Variants in C3orf33 observed in about 807,000 individuals in gnomAD.
C3orf33 encodes the protein mitochondrial inner membrane subdomain organizer 1, also known as AP-1 activity suppressor.
C3orf33 carries 23 observed loss-of-function variants against 28.7 expected under a neutral mutation model. The observed-to-expected ratio is 0.80, with a 90% CI of 0.58 to 1.13. C3orf33 has a LOEUF of 1.13. Ranked by LOEUF, C3orf33 falls within the 50% of genes most tolerant of loss-of-function variation. C3orf33 has a pLI of 0.00. For missense variants in C3orf33, 327 were observed against 353.4 expected (o/e 0.93, Z 0.60); for synonymous variants, 119 against 120.5 (o/e 0.99, Z 0.08).
At chr3:155,775,344 C>T (rs961535102) in intron 3 of C3orf33, among the ~76,000 whole-genome samples, 4 of 152,058 alleles carry the variant, frequency 2.6e-5, no homozygotes, top group Non-Finnish European at 5.9e-5. Flanking sequence ...ACAAAATTAG[C>T]TGGGCGTGGT....
At chr3:155,792,867 A>G (rs1751356736) in intron 2 of C3orf33, among the ~76,000 whole-genome samples, 1 of 152,302 alleles carries the variant, frequency 6.6e-6, no homozygotes. Context: ...TCTAAGAGTT[A>G]TTGGCCTTGA....
At chr3:155,767,397 A>G in intron 4 of C3orf33, 112 bp downstream of exon 4, 1 of 739,038 alleles carries the variant, frequency 1.4e-6, no homozygotes, top group Non-Finnish European at 1.9e-6. Flanking sequence ...GCAGTTTAAA[A>G]GGCAAAAAAA....
chr3:155,789,214 A>G (rs933260251), intron 2 of C3orf33, among the ~76,000 whole-genome samples: 1 of 151,938 alleles, frequency 6.6e-6, no homozygotes, highest in Non-Finnish European at 1.5e-5. Flanking sequence ...GCGTGGTGGC[A>G]GGCGCTTGTA....
intron 3 of C3orf33, among the ~76,000 whole-genome samples, chr3:155,768,722 A>G (rs1750487690): frequency 1.3e-5 from 2 of 152,214 alleles, no homozygotes; most frequent in African/African-American, 4.8e-5. Context: ...GTTCAAGAAG[A>G]TATCCTAGAA....
Position 155,773,983 on chromosome 3 carries a change from GA to G in C3orf33, c.322+1717del, listed in dbSNP as rs773430067. ...AATGGTATCAAGTATGTTTGGGGGGGAAAATCAATCTTGTTCCTTTACAGTT... is the reference window on the plus strand; with the variant it reads ...AATGGTATCAAGTATGTTTGGGGGGGAAATCAATCTTGTTCCTTTACAGTT... On this transcript the variant is annotated intron_variant, in intron 3 of 4. Coordinates refer to ENST00000340171, the MANE Select transcript of C3orf33 (RefSeq NM_001308229.2). Among the ~76,000 whole-genome samples the G allele has an allele frequency of 4.6e-5, 7 of 152,144 alleles. No homozygotes were observed. In the East Asian group the frequency reaches 1.2e-3, roughly 25 times the overall value.
chr3:155,800,610 CAAAAAAAAAAAAAAAAAA>C (rs58092818), intron 2 of C3orf33, among the ~76,000 whole-genome samples: 5 of 15,634 alleles, frequency 3.2e-4, no homozygotes, highest in African/African-American at 3.8e-4. Flanking sequence ...ACCTTATCTC[CAAAAAAAAAAAAAAAAAA>C]AAAAAAAAAA....
At chr3:155,789,983 T>C (rs1751259662) in intron 2 of C3orf33, among the ~76,000 whole-genome samples, 2 of 151,662 alleles carry the variant, frequency 1.3e-5, no homozygotes, top group South Asian at 2.1e-4. Context: ...GCCAACACAG[T>C]GAAACCCCAT....
At chr3:155,782,849 C>T (rs1750970944) in intron 2 of C3orf33, among the ~76,000 whole-genome samples, 1 of 152,156 alleles carries the variant, frequency 6.6e-6, no homozygotes, top group Non-Finnish European at 1.5e-5. Context: ...ATTATAAACA[C>T]TAATATTATT....
At chr3:155,798,259 A>G (rs1372106224) in intron 2 of C3orf33, among the ~76,000 whole-genome samples, 1 of 152,194 alleles carries the variant, frequency 6.6e-6, no homozygotes, top group Non-Finnish European at 1.5e-5. Context: ...TCTTCACAGA[A>G]ACAGAAAAAA....
At chr3:155,782,767 G>T (rs1298305796) in intron 2 of C3orf33, among the ~76,000 whole-genome samples, 2 of 152,174 alleles carry the variant, frequency 1.3e-5, no homozygotes, top group Non-Finnish European at 1.5e-5. Flanking sequence ...AGGTTGCAAT[G>T]AAAGGACACT....
At chr3:155,775,880 C>T (rs1750732550) in intron 2 of C3orf33, 32 bp from the exon 3 acceptor site, 5 of 1,465,540 alleles carry the variant, frequency 3.4e-6, no homozygotes, top group Non-Finnish European at 3.8e-6. Flanking sequence ...AATATAACCA[C>T]TTATTATTAT....
chr3:155,774,487 CTG>C (rs1750679856), intron 3 of C3orf33, among the ~76,000 whole-genome samples: 1 of 152,010 alleles, frequency 6.6e-6, no homozygotes, highest in Non-Finnish European at 1.5e-5. Flanking sequence ...GCAGGAAGGT[CTG>C]TGTGTCTGGG....
chr3:155,766,928 C>A (rs979464931), intron 4 of C3orf33, among the ~76,000 whole-genome samples: 1 of 149,822 alleles, frequency 6.7e-6, no homozygotes, highest in Admixed American at 6.7e-5. Flanking sequence ...CCAGCCTGGG[C>A]AACAGAGTGA....
chr3:155,797,205 A>G (rs955793700), intron 2 of C3orf33, among the ~76,000 whole-genome samples: 4 of 152,166 alleles, frequency 2.6e-5, no homozygotes, highest in South Asian at 2.1e-4. Context: ...CAAAAGCCAT[A>G]CAAACATGAA....
intron 2 of C3orf33, among the ~76,000 whole-genome samples, chr3:155,798,604 T>C (rs964366269): frequency 6.6e-6 from 1 of 152,160 alleles, no homozygotes; most frequent in Non-Finnish European, 1.5e-5. Flanking sequence ...TCTCTCATCA[T>C]ATACAAAAAT....
chr3:155,802,940 G>A (rs1751694307), intron 1 of C3orf33, among the ~76,000 whole-genome samples: 1 of 151,946 alleles, frequency 6.6e-6, no homozygotes, highest in Non-Finnish European at 1.5e-5. Flanking sequence ...GTATTGGATT[G>A]TTCTCTACTG....
At chr3:155,768,036 T>C (rs900361717) in intron 3 of C3orf33, among the ~76,000 whole-genome samples, 3 of 152,074 alleles carry the variant, frequency 2.0e-5, no homozygotes, top group African/African-American at 7.2e-5. Context: ...TGCACCACCA[T>C]GCCCAGCTGA....
At chr3:155,771,148 C>T (rs888423921) in intron 3 of C3orf33, among the ~76,000 whole-genome samples, 33 of 151,724 alleles carry the variant, frequency 2.2e-4, no homozygotes, top group Non-Finnish European at 1.5e-5. Context: ...CTCTGCCACC[C>T]AGGCTGGAGT....
At chr3:155,794,012 C>T (rs1385587262) in intron 2 of C3orf33, among the ~76,000 whole-genome samples, 1 of 150,944 alleles carries the variant, frequency 6.6e-6, no homozygotes, top group Non-Finnish European at 1.5e-5. Flanking sequence ...GACAGAGTCT[C>T]ACTCAGTCTG....
Sources: gnomAD v4.1 joint callset for allele counts (sites outside exome capture counted in the v4.1 genomes callset) on GRCh38, gnomAD v4.1.1 for gene constraint, MANE v1.5 for transcripts, NCBI Gene and HGNC (gene_info 2026-07-23, HGNC 2026-07-21) for gene names.